The following CLVS1 variants were observed in gnomAD, a reference collection of about 807,000 sequenced individuals.
The protein encoded by CLVS1 is clavesin 1, also known as clavesin-1.
In CLVS1, 10 loss-of-function variants were observed where a neutral mutation model predicts 33.1. The ratio of observed to expected loss-of-function variants is 0.30; its 90% CI spans 0.19 to 0.51. CLVS1 has a LOEUF of 0.51. Ranked by LOEUF, CLVS1 falls within the 20% of genes least tolerant of loss-of-function variation. The pLI, the probability that CLVS1 is intolerant of heterozygous loss-of-function variation, is 0.97. For synonymous variants in CLVS1, 163 were observed against 166.1 expected, an observed-to-expected ratio of 0.98 and a Z score of 0.14; for missense variants, 343 against 433.4, an observed-to-expected ratio of 0.79 and a Z score of 1.85.
chr8:61,272,178 G>T (rs1481532779), intron 2 of CLVS1, among the ~76,000 whole-genome samples: 1 of 151,496 alleles, frequency 6.6e-6, no homozygotes, highest in South Asian at 2.1e-4. Flanking sequence ...AGCTCTTTTA[G>T]GGCAGGCCTG....
At chr8:60,999,341 A>G in the CLVS1 span, among the ~76,000 whole-genome samples, 1 of 152,194 alleles carries the variant, frequency 6.6e-6, no homozygotes, top group Admixed American at 6.5e-5. Context: ...ACAGGCCAGA[A>G]ATCAGAATGA....
chr8:61,202,622 G>A, intron 2 of CLVS1: 1 of 1,482,144 alleles, frequency 6.7e-7, no homozygotes, highest in Admixed American at 1.7e-5. Context: ...TCCCTTGGGG[G>A]CTTTGAAACA....
intron 2 of CLVS1, among the ~76,000 whole-genome samples, chr8:61,257,456 G>C (rs1746872004): frequency 6.6e-6 from 1 of 152,154 alleles, no homozygotes. Flanking sequence ...AAAAGGCTAG[G>C]TGAATGATTT....
intron 3 of CLVS1, among the ~76,000 whole-genome samples, chr8:61,438,805 T>C (rs1816437919): frequency 6.6e-6 from 1 of 152,198 alleles, no homozygotes; most frequent in African/African-American, 2.4e-5. Context: ...TGGGATAATA[T>C]AGATAATATA....
At chr8:61,089,993 A>AT (rs1481327717) in intron 1 of CLVS1, among the ~76,000 whole-genome samples, 3 of 152,146 alleles carry the variant, frequency 2.0e-5, no homozygotes, top group Non-Finnish European at 4.4e-5. Flanking sequence ...TCTAATGCTA[A>AT]TTTGGTTGCC....
chr8:61,359,007 CT>C (rs1812861168), intron 2 of CLVS1, among the ~76,000 whole-genome samples: 1 of 152,094 alleles, frequency 6.6e-6, no homozygotes, highest in Non-Finnish European at 1.5e-5. Flanking sequence ...CAGTTATATT[CT>C]TTCTTATAGT....
chr8:61,028,972 T>A, the CLVS1 span, among the ~76,000 whole-genome samples: 1 of 152,210 alleles, frequency 6.6e-6, no homozygotes, highest in East Asian at 1.9e-4. Context: ...GTCAAGGGAC[T>A]TCCCCAAGAA....
intron 2 of CLVS1, among the ~76,000 whole-genome samples, chr8:61,208,920 T>A (rs973960070): frequency 1.3e-5 from 2 of 152,076 alleles, no homozygotes; most frequent in African/African-American, 4.8e-5. Flanking sequence ...TCCTCATAAA[T>A]CCTCTTGGAT....
intron 3 of CLVS1, among the ~76,000 whole-genome samples, chr8:61,410,728 G>T (rs148381299): frequency 6.6e-6 from 1 of 152,028 alleles, no homozygotes; most frequent in Admixed American, 6.6e-5. Flanking sequence ...TGCAGCCTCC[G>T]CCTCCTGGGT....
intron 3 of CLVS1, among the ~76,000 whole-genome samples, chr8:61,439,285 G>A (rs1378141889): frequency 6.6e-6 from 1 of 152,182 alleles, no homozygotes; most frequent in Non-Finnish European, 1.5e-5. Flanking sequence ...CCACTTAGGG[G>A]CCCTCAGGGA....
intron 1 of CLVS1, chr8:61,292,091 C>G (rs902165592): frequency 3.4e-6 from 1 of 292,924 alleles, no homozygotes; most frequent in African/African-American, 2.2e-5. Flanking sequence ...CATGGACCAC[C>G]CTTTGAGAAG....
Position 61,472,651 on chromosome 8 carries a change from A to G in CLVS1, c.977+14109A>G. ...ATTTCCATTAACAATTAACATTTAAAATAATTTTTAAAAATTTTATTCATT... is the reference window on the plus strand; with the variant it reads ...ATTTCCATTAACAATTAACATTTAAGATAATTTTTAAAAATTTTATTCATT... On this transcript the variant is annotated intron_variant, in intron 5 of 5. Coordinates refer to ENST00000325897, the MANE Select transcript of CLVS1 (RefSeq NM_173519.3). Among the ~76,000 whole-genome samples, 3 of 152,312 alleles carry G rather than the reference A, an allele frequency of 2.0e-5. No homozygotes were observed. In the South Asian group the frequency reaches 6.2e-4, roughly 32 times the overall value.
intron 3 of CLVS1, among the ~76,000 whole-genome samples, chr8:61,432,827 G>C (rs990339536): frequency 1.3e-5 from 2 of 152,176 alleles, no homozygotes; most frequent in South Asian, 4.1e-4. Flanking sequence ...GAGGATGTAG[G>C]TTGAAGAAAA....
At chr8:61,324,575 T>C (rs1811311196) in intron 2 of CLVS1, among the ~76,000 whole-genome samples, 1 of 152,110 alleles carries the variant, frequency 6.6e-6, no homozygotes, top group African/African-American at 2.4e-5. Flanking sequence ...ACTTTGGAAC[T>C]GAGTAGCAGG....
intron 1 of CLVS1, among the ~76,000 whole-genome samples, chr8:61,077,494 G>A (rs112131837): frequency 8.7e-4 from 112 of 129,254 alleles, no homozygotes; most frequent in Middle Eastern, 5.9e-3. Context: ...TATTATTATT[G>A]AGACGGAGTC....
chr8:61,483,353 A>G (rs971847176), intron 5 of CLVS1, among the ~76,000 whole-genome samples: 3 of 152,258 alleles, frequency 2.0e-5, no homozygotes, highest in Non-Finnish European at 2.9e-5. Context: ...AGAAATGGAT[A>G]AATTTCTGGA....
chr8:61,067,531 G>C (rs528840025), intron 1 of CLVS1, among the ~76,000 whole-genome samples: 8 of 150,918 alleles, frequency 5.3e-5, no homozygotes, highest in Admixed American at 5.3e-4. Context: ...AGCTATGAGA[G>C]CACAAGCAAA....
At chr8:61,254,445 G>A (rs1809027444) in intron 2 of CLVS1, among the ~76,000 whole-genome samples, 1 of 152,288 alleles carries the variant, frequency 6.6e-6, no homozygotes, top group African/African-American at 2.4e-5. Flanking sequence ...TCTCTTCAAA[G>A]CTGTCAGACA....
chr8:61,085,208 T>C (rs1018378640), intron 1 of CLVS1, among the ~76,000 whole-genome samples: 2 of 152,236 alleles, frequency 1.3e-5, no homozygotes, highest in Non-Finnish European at 2.9e-5. Context: ...TTTATTTCTG[T>C]ATACTATCCG....
Sources: gnomAD v4.1 joint callset for allele counts (sites outside exome capture counted in the v4.1 genomes callset) on GRCh38, gnomAD v4.1.1 for gene constraint, MANE v1.5 for transcripts, NCBI Gene and HGNC (gene_info 2026-07-23, HGNC 2026-07-21) for gene names.